Variants in STARD13 observed in about 807,000 individuals in gnomAD.
STARD13 encodes the protein stAR-related lipid transfer protein 13.
In STARD13, 62 loss-of-function variants were observed where a neutral mutation model predicts 106.4. The ratio of observed to expected loss-of-function variants is 0.58; its 90% CI spans 0.48 to 0.72. The LOEUF is 0.72. Ranked by LOEUF, STARD13 falls within the 30% of genes least tolerant of loss-of-function variation. The pLI is 0.00. For missense variants in STARD13, 1,387 were observed against 1,424.0 expected (o/e 0.97, Z 0.42); for synonymous variants, 565 against 553.0 (o/e 1.02, Z -0.31).
At chr13:33,115,605 T>C (rs762792984) in intron 8 of STARD13, among the ~76,000 whole-genome samples, 22 of 152,262 alleles carry the variant, frequency 1.4e-4, no homozygotes, top group Non-Finnish European at 2.9e-4. Context: ...GAAATGGGTG[T>C]CTCCCTCAGA....
At chr13:33,423,845 C>A in the STARD13 span, among the ~76,000 whole-genome samples, 1 of 152,140 alleles carries the variant, frequency 6.6e-6, no homozygotes, top group Non-Finnish European at 1.5e-5. Flanking sequence ...GTCACAAGGA[C>A]AGAAAACCAA....
intron 1 of STARD13, among the ~76,000 whole-genome samples, chr13:33,274,346 C>A (rs1891312220): frequency 6.6e-6 from 1 of 152,034 alleles, no homozygotes; most frequent in Admixed American, 6.6e-5. Flanking sequence ...AGAAGGAAGA[C>A]CAGGTGAAGA....
At chr13:33,413,510 A>C in the STARD13 span, among the ~76,000 whole-genome samples, 1 of 152,174 alleles carries the variant, frequency 6.6e-6, no homozygotes, top group East Asian at 1.9e-4. Context: ...AAAATTAAAA[A>C]CTTTCGCTCT....
At chr13:33,496,502 C>G in the STARD13 span, among the ~76,000 whole-genome samples, 2 of 151,870 alleles carry the variant, frequency 1.3e-5, no homozygotes, top group African/African-American at 4.8e-5. Flanking sequence ...CTCTCCCTAA[C>G]TTATCATCCC....
At chr13:33,219,967 C>T (rs994508038) in intron 1 of STARD13, among the ~76,000 whole-genome samples, 7 of 152,162 alleles carry the variant, frequency 4.6e-5, no homozygotes, top group African/African-American at 1.7e-4. Context: ...CAATCAGACG[C>T]CTGTTCCTGC....
chr13:33,480,977 G>C, the STARD13 span, among the ~76,000 whole-genome samples: 2 of 151,896 alleles, frequency 1.3e-5, no homozygotes, highest in Non-Finnish European at 2.9e-5. Context: ...ACCAAAGATG[G>C]TAAACTTTAA....
the STARD13 span, among the ~76,000 whole-genome samples, chr13:33,557,825 G>T: frequency 6.6e-6 from 1 of 152,170 alleles, no homozygotes; most frequent in African/African-American, 2.4e-5. Flanking sequence ...AGGCAGGAAG[G>T]TATACCTATA....
intron 1 of STARD13, among the ~76,000 whole-genome samples, chr13:33,215,641 AG>A (rs147988926): frequency 1.2e-3 from 190 of 152,334 alleles, no homozygotes; most frequent in Non-Finnish European, 1.5e-3. Flanking sequence ...AGTGGGGACT[AG>A]AACAAGCAGA....
the STARD13 span, among the ~76,000 whole-genome samples, chr13:33,449,097 G>T: frequency 6.6e-6 from 1 of 151,722 alleles, no homozygotes; most frequent in African/African-American, 2.4e-5. Flanking sequence ...AAAAAAATAG[G>T]TTGATGTAAT....
chr13:33,391,842 A>G, the STARD13 span, among the ~76,000 whole-genome samples: 1 of 152,122 alleles, frequency 6.6e-6, no homozygotes, highest in Non-Finnish European at 1.5e-5. Context: ...TTCCTGCCAC[A>G]TGGAAGAGGC....
chr13:33,201,423 C>T (rs1316551215), intron 1 of STARD13, among the ~76,000 whole-genome samples: 1 of 152,220 alleles, frequency 6.6e-6, no homozygotes, highest in Non-Finnish European at 1.5e-5. Flanking sequence ...GCAGAATCTA[C>T]TATGATAACA....
intron 1 of STARD13, among the ~76,000 whole-genome samples, chr13:33,214,882 G>C (rs764660072): frequency 1.6e-4 from 25 of 152,128 alleles, no homozygotes; most frequent in South Asian, 4.1e-4. Context: ...AGATGCTACT[G>C]ATCTCCTTTC....
chr13:33,367,535 AAAC>A, the STARD13 span, among the ~76,000 whole-genome samples: 1 of 152,278 alleles, frequency 6.6e-6, no homozygotes, highest in Non-Finnish European at 1.5e-5. Context: ...TAGATAGTAA[AAAC>A]AACAATAAAA....
At chr13:33,619,950 A>G in the STARD13 span, among the ~76,000 whole-genome samples, 10 of 152,044 alleles carry the variant, frequency 6.6e-5, no homozygotes, top group Admixed American at 2.0e-4. Context: ...TCACCTACCC[A>G]AGAGGATGAA....
intron 5 of STARD13, among the ~76,000 whole-genome samples, chr13:33,128,553 G>A (rs957620534): frequency 2.6e-5 from 4 of 152,198 alleles, no homozygotes; most frequent in African/African-American, 9.6e-5. Context: ...ATTTGGGGAA[G>A]AGACATTTTG....
At chr13:33,461,080 A>G in the STARD13 span, among the ~76,000 whole-genome samples, 2 of 152,194 alleles carry the variant, frequency 1.3e-5, no homozygotes, top group South Asian at 4.1e-4. Flanking sequence ...TTGCCTGGGG[A>G]TGACAGTTGT....
the STARD13 span, among the ~76,000 whole-genome samples, chr13:33,387,362 T>G: frequency 6.6e-6 from 1 of 152,144 alleles, no homozygotes; most frequent in Non-Finnish European, 1.5e-5. Flanking sequence ...CTAAAGTGGT[T>G]GTGCTTTATC....
intron 2 of STARD13, among the ~76,000 whole-genome samples, chr13:33,166,761 G>A (rs1479273446): frequency 2.6e-5 from 4 of 152,118 alleles, no homozygotes; most frequent in Non-Finnish European, 5.9e-5. Flanking sequence ...TAGGGAGGCC[G>A]AGGTGGGAAA....
At chr13:33,585,864 A>G in the STARD13 span, among the ~76,000 whole-genome samples, 3 of 152,224 alleles carry the variant, frequency 2.0e-5, no homozygotes, top group Admixed American at 2.0e-4. Context: ...GATTTCACTC[A>G]TATGAATTAC....
Sources: allele counts gnomAD v4.1 joint callset (sites outside exome capture counted in the v4.1 genomes callset), GRCh38; gene constraint gnomAD v4.1.1; transcripts MANE v1.5; gene names NCBI Gene and HGNC (gene_info 2026-07-23, HGNC 2026-07-21).